The following GALNTL6 variants were observed in gnomAD, a reference collection of about 807,000 sequenced individuals.
GALNTL6 encodes polypeptide N-acetylgalactosaminyltransferase like 6, also known as polypeptide N-acetylgalactosaminyltransferase-like 6.
Under a neutral mutation model 73.7 loss-of-function variants are expected in GALNTL6, and 46 were observed. The observed-to-expected ratio is 0.62, with a 90% CI of 0.49 to 0.80. GALNTL6 has a LOEUF of 0.80. GALNTL6 is among the 30% of genes least tolerant of loss of function. The pLI is 0.00. For missense variants in GALNTL6, 604 were observed against 755.0 expected (o/e 0.80, Z 2.34); for synonymous variants, 259 against 263.7 (o/e 0.98, Z 0.17).
chr4:172,855,005 A>G (rs1744049249), intron 7 of GALNTL6, among the ~76,000 whole-genome samples: 1 of 152,158 alleles, frequency 6.6e-6, no homozygotes, highest in Admixed American at 6.5e-5. Flanking sequence ...TAAATCTAGA[A>G]CACATTTTTA....
At chr4:172,624,506 A>G (rs1288904083) in intron 5 of GALNTL6, among the ~76,000 whole-genome samples, 1 of 151,972 alleles carries the variant, frequency 6.6e-6, no homozygotes, top group Non-Finnish European at 1.5e-5. Flanking sequence ...GCAAACCCCA[A>G]TTTCAAGTTC....
At chr4:172,904,014 T>G (rs1031506293) in intron 8 of GALNTL6, among the ~76,000 whole-genome samples, 1 of 152,172 alleles carries the variant, frequency 6.6e-6, no homozygotes, top group Non-Finnish European at 1.5e-5. Flanking sequence ...TGACAGCATA[T>G]TTTAACAACT....
intron 2 of GALNTL6, among the ~76,000 whole-genome samples, chr4:172,061,653 T>C (rs1731203282): frequency 6.6e-6 from 1 of 152,190 alleles, no homozygotes; most frequent in Non-Finnish European, 1.5e-5. Context: ...TTTCTCTTAA[T>C]TAACCTTTGG....
At chr4:171,825,243 A>G (rs1196185311) in intron 2 of GALNTL6, among the ~76,000 whole-genome samples, 1 of 152,146 alleles carries the variant, frequency 6.6e-6, no homozygotes, top group Non-Finnish European at 1.5e-5. Context: ...TGGAAAAATC[A>G]AGAATAATGC....
At chr4:172,449,213 C>A (rs1186336784) in intron 5 of GALNTL6, among the ~76,000 whole-genome samples, 2 of 152,162 alleles carry the variant, frequency 1.3e-5, no homozygotes, top group African/African-American at 4.8e-5. Flanking sequence ...TAGAGCATTT[C>A]TCTTCTGCAA....
At chr4:171,940,624 C>A (rs1044912211) in intron 2 of GALNTL6, among the ~76,000 whole-genome samples, 1 of 151,866 alleles carries the variant, frequency 6.6e-6, no homozygotes, top group Non-Finnish European at 1.5e-5. Flanking sequence ...GAGTTTGAGA[C>A]CAGCCTGACC....
intron 10 of GALNTL6, among the ~76,000 whole-genome samples, chr4:172,996,788 G>C (rs898161504): frequency 3.3e-5 from 5 of 152,154 alleles, no homozygotes; most frequent in African/African-American, 1.2e-4. Flanking sequence ...CCAGTGAACT[G>C]TATGAGTCAG....
At chr4:172,273,662 A>T (rs1036721466) in intron 3 of GALNTL6, among the ~76,000 whole-genome samples, 1 of 152,130 alleles carries the variant, frequency 6.6e-6, no homozygotes, top group East Asian at 1.9e-4. Flanking sequence ...AGCAGGGAGG[A>T]TAAAGTAAAT....
chr4:172,773,393 G>A (rs147165650), intron 5 of GALNTL6, among the ~76,000 whole-genome samples: 5 of 152,228 alleles, frequency 3.3e-5, no homozygotes, highest in Admixed American at 6.5e-5. Flanking sequence ...TTAAGGTCTC[G>A]TAAGGTATGT....
intron 7 of GALNTL6, among the ~76,000 whole-genome samples, chr4:172,856,402 A>T (rs1744122525): frequency 6.6e-6 from 1 of 152,188 alleles, no homozygotes; most frequent in Non-Finnish European, 1.5e-5. Flanking sequence ...TTATTTTCAA[A>T]CATCTCATTA....
At chr4:172,409,745 T>G (rs1744365860) in intron 5 of GALNTL6, among the ~76,000 whole-genome samples, 2 of 152,016 alleles carry the variant, frequency 1.3e-5, no homozygotes, top group African/African-American at 2.4e-5. Context: ...TAACAATTTT[T>G]GGATATAATT....
intron 2 of GALNTL6, among the ~76,000 whole-genome samples, chr4:172,095,745 C>A (rs1207786596): frequency 6.6e-6 from 1 of 152,114 alleles, no homozygotes; most frequent in African/African-American, 2.4e-5. Flanking sequence ...GTGGGAAGAT[C>A]ATCCCAGTGA....
intron 5 of GALNTL6, among the ~76,000 whole-genome samples, chr4:172,479,174 G>A (rs1444504053): frequency 6.6e-6 from 1 of 152,062 alleles, no homozygotes; most frequent in African/African-American, 2.4e-5. Context: ...TATCTACCCA[G>A]AAGAAAGTAA....
At chr4:172,249,066 A>G (rs759828298) in intron 3 of GALNTL6, among the ~76,000 whole-genome samples, 3 of 152,190 alleles carry the variant, frequency 2.0e-5, no homozygotes, top group Non-Finnish European at 4.4e-5. Flanking sequence ...AGAGGTTGGA[A>G]CAGTTTGGAG....
intron 5 of GALNTL6, among the ~76,000 whole-genome samples, chr4:172,806,243 A>C (rs1277636034): frequency 1.2e-4 from 18 of 152,180 alleles, no homozygotes; most frequent in Admixed American, 1.2e-3. Flanking sequence ...TATCACCATA[A>C]ATTTCAAACT....
chr4:172,543,571 T>A (rs1176086308), intron 5 of GALNTL6, among the ~76,000 whole-genome samples: 1 of 152,214 alleles, frequency 6.6e-6, no homozygotes, highest in Non-Finnish European at 1.5e-5. Flanking sequence ...TAAAATGATT[T>A]AAATAAATTT....
chr4:171,919,086 G>A lies in GALNTL6; in HGVS notation c.138+104368G>A, dbSNP rs371725643. Reference sequence around the variant, plus strand: ...TCTGGTGTACAACATTGTATCTATCGTCAACAATAATATATTGTACACTTA... The same window carrying A: ...TCTGGTGTACAACATTGTATCTATCATCAACAATAATATATTGTACACTTA... On this transcript the variant is annotated intron_variant, in intron 2 of 12. Coordinates refer to ENST00000506823, the MANE Select transcript of GALNTL6 (RefSeq NM_001034845.3). Among the ~76,000 whole-genome samples the A allele has an allele frequency of 2.6e-3, 402 of 152,178 alleles. 2 individuals are homozygous for A. Among genetic ancestry groups the A allele is most frequent in the Non-Finnish European group, 4.6e-3 (313 of 67,980 alleles).
At chr4:172,547,513 A>C (rs1366294599) in intron 5 of GALNTL6, among the ~76,000 whole-genome samples, 1 of 152,178 alleles carries the variant, frequency 6.6e-6, no homozygotes, top group Non-Finnish European at 1.5e-5. Context: ...AAGTCGACCC[A>C]AAGCATATAT....
At chr4:172,009,810 C>T (rs1346903304) in intron 2 of GALNTL6, among the ~76,000 whole-genome samples, 1 of 152,062 alleles carries the variant, frequency 6.6e-6, no homozygotes, top group Non-Finnish European at 1.5e-5. Flanking sequence ...TAGAGGGTTA[C>T]ATAAGACTAC....
Sources: gnomAD v4.1 joint callset for allele counts (sites outside exome capture counted in the v4.1 genomes callset) on GRCh38, gnomAD v4.1.1 for gene constraint, MANE v1.5 for transcripts, NCBI Gene and HGNC (gene_info 2026-07-23, HGNC 2026-07-21) for gene names.